UGGT2: variants seen among roughly 807,000 people sequenced by gnomAD.
The protein encoded by UGGT2 is UDP-glucose glycoprotein glucosyltransferase 2.
UGGT2 carries 180 observed loss-of-function variants against 192.1 expected under a neutral mutation model. The ratio of observed to expected loss-of-function variants is 0.94; its 90% confidence interval spans 0.83 to 1.06. UGGT2 has a LOEUF of 1.06. UGGT2 is among the 50% of genes least tolerant of loss of function. UGGT2 has a pLI of 0.00. For missense variants in UGGT2, 1,849 were observed against 1,795.7 expected (o/e 1.03, Z -0.54); for synonymous variants, 580 against 591.0 (o/e 0.98, Z 0.27).
intron 38 of UGGT2, among the ~76,000 whole-genome samples, chr13:95,804,006 C>T (rs914323003): frequency 1.3e-5 from 2 of 151,664 alleles, no homozygotes; most frequent in Non-Finnish European, 2.9e-5. Context: ...AAAACAAGAA[C>T]AAAATGAAAT....
At chr13:96,040,630 T>C (rs1206079950) in intron 1 of UGGT2, among the ~76,000 whole-genome samples, 3 of 152,172 alleles carry the variant, frequency 2.0e-5, no homozygotes, top group Admixed American at 1.3e-4. Context: ...AAGTTGGGTT[T>C]ATTAAGTATT....
intron 17 of UGGT2, among the ~76,000 whole-genome samples, chr13:95,931,907 G>A (rs1361370648): frequency 1.3e-5 from 2 of 152,224 alleles, no homozygotes; most frequent in Admixed American, 1.3e-4. Context: ...CAGGCTGAAG[G>A]GCTCCTCGAG....
chr13:96,047,876 C>T (rs970398616), intron 1 of UGGT2, among the ~76,000 whole-genome samples: 2 of 151,924 alleles, frequency 1.3e-5, no homozygotes, highest in South Asian at 4.2e-4. Context: ...GACTCCCACA[C>T]AATAATAATG....
At chr13:95,968,094 G>A (rs978159432) in intron 12 of UGGT2, among the ~76,000 whole-genome samples, 12 of 151,720 alleles carry the variant, frequency 7.9e-5, no homozygotes, top group Non-Finnish European at 1.3e-4. Flanking sequence ...TAAATCTTAA[G>A]GATAATTATA....
intron 17 of UGGT2, among the ~76,000 whole-genome samples, chr13:95,936,481 G>A (rs2049467153): frequency 6.6e-6 from 1 of 152,200 alleles, no homozygotes; most frequent in African/African-American, 2.4e-5. Context: ...AGACATGGTG[G>A]GCAAGATGGG....
At chr13:95,923,732 CTTG>C (rs1212400363) in intron 20 of UGGT2, among the ~76,000 whole-genome samples, 4 of 152,078 alleles carry the variant, frequency 2.6e-5, no homozygotes, top group African/African-American at 9.7e-5. Context: ...CATTTGAATT[CTTG>C]TTGACACAAC....
chr13:95,812,655 T>C (rs1884639761), intron 38 of UGGT2, among the ~76,000 whole-genome samples: 1 of 152,068 alleles, frequency 6.6e-6, no homozygotes, highest in Non-Finnish European at 1.5e-5. Context: ...TGGGAGGTGG[T>C]TTGGCTCTTG....
intron 9 of UGGT2, chr13:95,985,384 A>C: frequency 1.4e-6 from 1 of 725,174 alleles, no homozygotes; most frequent in South Asian, 1.8e-5. Flanking sequence ...ACCACCAAAA[A>C]ATCCTTGGTA....
intron 1 of UGGT2, among the ~76,000 whole-genome samples, chr13:96,050,827 AAAC>A (rs2053463059): frequency 6.6e-6 from 1 of 152,200 alleles, no homozygotes; most frequent in African/African-American, 2.4e-5. Context: ...AAAAGTCAGG[AAAC>A]AACAGGTGCT....
At chr13:96,038,080 T>G (rs2053058088) in intron 1 of UGGT2, among the ~76,000 whole-genome samples, 1 of 152,218 alleles carries the variant, frequency 6.6e-6, no homozygotes, top group South Asian at 2.1e-4. Flanking sequence ...GCACATGAGG[T>G]AACACTGAGC....
rs138743798 is a variant in UGGT2, at chr13:95,822,353, C to T, written c.4528+10574G>A. On this transcript the variant is annotated intron_variant, in intron 38 of 38. Coordinates refer to ENST00000376747, the MANE Select transcript of UGGT2 (RefSeq NM_020121.4). ...TTTGTGTCTTAGCTTGGTCATCCTTCGTGTATAGCAGTGCTACTGATTTGT... is the reference window on the plus strand; with the variant it reads ...TTTGTGTCTTAGCTTGGTCATCCTTTGTGTATAGCAGTGCTACTGATTTGT... 4.6e-3 allele frequency among the ~76,000 whole-genome samples: 694 copies of T among 152,028 alleles called. 4 individuals carry two copies. The highest frequency in any genetic ancestry group is 0.016 in the African/African-American group (667 of 41,484).
At chr13:95,808,049 A>G (rs1318945946) in intron 38 of UGGT2, among the ~76,000 whole-genome samples, 1 of 152,126 alleles carries the variant, frequency 6.6e-6, no homozygotes, top group Non-Finnish European at 1.5e-5. Context: ...GGGGGCCGAT[A>G]GACACCTCCA....
intron 22 of UGGT2, among the ~76,000 whole-genome samples, chr13:95,899,490 G>A (rs548415471): frequency 4.0e-5 from 6 of 151,892 alleles, no homozygotes; most frequent in African/African-American, 1.4e-4. Context: ...ACAAAACATA[G>A]TTTTATGTTT....
chr13:95,819,308 C>T lies in UGGT2; in HGVS notation c.4528+13619G>A, dbSNP rs1885246826. Among the ~76,000 whole-genome samples, 5 of 152,068 alleles carry T rather than the reference C, an allele frequency of 3.3e-5. No homozygotes were observed. In the South Asian group the frequency reaches 1.0e-3, roughly 32 times the overall value. Reference sequence around the variant, plus strand: ...AAGCAAGTTTATTCTTCTACTTTTTCTCCCTTTCTATTTTTTGTTGTTGTA... The same window carrying T: ...AAGCAAGTTTATTCTTCTACTTTTTTTCCCTTTCTATTTTTTGTTGTTGTA... On this transcript the variant is annotated intron_variant, in intron 38 of 38. Transcript: ENST00000376747.
At chr13:95,817,858 T>C (rs1885068277) in intron 38 of UGGT2, among the ~76,000 whole-genome samples, 1 of 152,064 alleles carries the variant, frequency 6.6e-6, no homozygotes, top group African/African-American at 2.4e-5. Context: ...TAGAAATTGA[T>C]ACCAAAATTA....
At position 96,053,394 on chromosome 13, in the gene UGGT2, G is replaced by C. The variant is rs1416700192; in HGVS notation, c.-82C>G. 1 of 1,508,226 alleles carries C rather than the reference G, an allele frequency of 6.6e-7. No individual in the cohort carries two copies. The allele number at this position is 1,508,226 out of a possible 1,614,324, so 93.4% of individuals were successfully genotyped here. Reference sequence around the variant, plus strand: ...CACGCTTCGGCCGGCTCTTCCCGCTGCGCGGCTGCCCACTTCCGGTGGGAG... The same window carrying C: ...CACGCTTCGGCCGGCTCTTCCCGCTCCGCGGCTGCCCACTTCCGGTGGGAG... On this transcript the variant is annotated 5_prime_UTR_variant, in exon 1 of 39. Coordinates refer to ENST00000376747, the MANE Select transcript of UGGT2 (RefSeq NM_020121.4).
At chr13:95,981,891 T>C (rs2051137551) in intron 10 of UGGT2, among the ~76,000 whole-genome samples, 1 of 152,206 alleles carries the variant, frequency 6.6e-6, no homozygotes, top group Non-Finnish European at 1.5e-5. Flanking sequence ...TAACATGGAC[T>C]GCTAGTCCAA....
At chr13:95,870,701 C>T (rs1296984200) in intron 29 of UGGT2, among the ~76,000 whole-genome samples, 2 of 152,202 alleles carry the variant, frequency 1.3e-5, no homozygotes, top group African/African-American at 4.8e-5. Flanking sequence ...CATCCAATTG[C>T]TTGTGTTAAA....
intron 2 of UGGT2, 125 bp downstream of exon 2, chr13:96,031,764 T>C (rs1286070075): frequency 1.6e-6 from 1 of 642,186 alleles, no homozygotes; most frequent in East Asian, 3.0e-5. Context: ...TTTTCAAATT[T>C]AATGTTCGGA....
Sources: gnomAD v4.1 joint callset for allele counts (sites outside exome capture counted in the v4.1 genomes callset) on GRCh38, gnomAD v4.1.1 for gene constraint, MANE v1.5 for transcripts, NCBI Gene and HGNC (gene_info 2026-07-23, HGNC 2026-07-21) for gene names.